The following PAN3 variants were observed in gnomAD, a reference collection of about 807,000 sequenced individuals.
PAN3 encodes the protein PAN2-PAN3 deadenylation complex subunit PAN3.
In PAN3, 19 loss-of-function variants were observed where a neutral mutation model predicts 96.2. The observed-to-expected ratio is 0.20, with a 90% CI of 0.14 to 0.29. PAN3 has a LOEUF of 0.29. PAN3 is among the 10% of genes least tolerant of loss of function. PAN3 has a pLI of 1.00. For synonymous variants in PAN3, 433 were observed against 406.6 expected (o/e 1.06, Z -0.78); for missense variants, 882 against 1,108.1 (o/e 0.80, Z 2.90).
chr13:28,153,809 C>T (rs1871721456), intron 1 of PAN3, among the ~76,000 whole-genome samples: 1 of 152,126 alleles, frequency 6.6e-6, no homozygotes, highest in African/African-American at 2.4e-5. Flanking sequence ...GCTAGTTTCT[C>T]CAAAATTCAG....
intron 5 of PAN3, among the ~76,000 whole-genome samples, chr13:28,204,053 C>T (rs1423742061): frequency 6.6e-6 from 1 of 152,072 alleles, no homozygotes; most frequent in Non-Finnish European, 1.5e-5. Context: ...TCGTGATCTG[C>T]CCACCTTGGC....
At chr13:28,261,279 G>T in intron 8 of PAN3, 122 bp from the exon 9 acceptor site, 3 of 548,910 alleles carry the variant, frequency 5.5e-6, no homozygotes, top group Non-Finnish European at 6.2e-6. Flanking sequence ...ATATTTAAAT[G>T]ATTTTAATAT....
chr13:28,215,913 C>G lies in PAN3; in HGVS notation c.853-4318C>G, dbSNP rs979676912. On this transcript the variant is annotated intron_variant, in intron 5 of 18. Coordinates refer to ENST00000380958, the MANE Select transcript of PAN3 (RefSeq NM_175854.8). Reference sequence around the variant, plus strand: ...GGCTAAATGAATATTATCCCTAATACCTGCCACTCTAGTCTTAATCAGTGG... The same window carrying G: ...GGCTAAATGAATATTATCCCTAATAGCTGCCACTCTAGTCTTAATCAGTGG... 19 of 1,208,908 alleles carry G rather than the reference C, an allele frequency of 1.6e-5. No individual in the cohort carries two copies. The African/African-American group carries it at 2.7e-4, about 17-fold the overall frequency. The allele number at this position is 1,208,908 out of a possible 1,614,324, so 74.9% of individuals were successfully genotyped here.
intron 12 of PAN3, among the ~76,000 whole-genome samples, chr13:28,269,657 G>A (rs1356793418): frequency 6.6e-6 from 1 of 151,988 alleles, no homozygotes; most frequent in African/African-American, 2.4e-5. Flanking sequence ...TAATTAAATA[G>A]TTTCATTTAA....
At chr13:28,199,223 T>TA (rs1197692478) in intron 5 of PAN3, among the ~76,000 whole-genome samples, 1 of 152,160 alleles carries the variant, frequency 6.6e-6, no homozygotes, top group Non-Finnish European at 1.5e-5. Flanking sequence ...AAATTGGAAT[T>TA]ACTTGTAGGT....
At chr13:28,181,400 C>G (rs116318012) in intron 4 of PAN3, among the ~76,000 whole-genome samples, 1,549 of 150,436 alleles carry the variant, frequency 0.01, 24 homozygotes, top group African/African-American at 0.036. Flanking sequence ...GTCACAGCTA[C>G]TCGGGAGGAT....
At chr13:28,239,613 G>C (rs1470938229) in intron 6 of PAN3, 1 of 1,289,666 alleles carries the variant, frequency 7.8e-7, no homozygotes, top group Admixed American at 2.3e-5. Flanking sequence ...CACTGGACTT[G>C]AAGATAAATC....
At chr13:28,194,664 T>C (rs900848926) in intron 4 of PAN3, among the ~76,000 whole-genome samples, 1 of 151,734 alleles carries the variant, frequency 6.6e-6, no homozygotes. Context: ...GAGATGGTGT[T>C]TCACCTTGTT....
At chr13:28,257,720 A>ATATT (rs1566234978) in intron 7 of PAN3, among the ~76,000 whole-genome samples, 3 of 139,122 alleles carry the variant, frequency 2.2e-5, no homozygotes, top group Admixed American at 7.6e-5. Context: ...ATATATAATT[A>ATATT]ATATATATTA....
chr13:28,198,633 A>G (rs1489089971), intron 5 of PAN3, among the ~76,000 whole-genome samples: 1 of 152,210 alleles, frequency 6.6e-6, no homozygotes, highest in Non-Finnish European at 1.5e-5. Context: ...CCATTTTTAA[A>G]AAATTGATAA....
chr13:28,273,556 G>A (rs1371705398), intron 14 of PAN3, among the ~76,000 whole-genome samples: 3 of 151,622 alleles, frequency 2.0e-5, no homozygotes, highest in Non-Finnish European at 4.4e-5. Flanking sequence ...AGCTGAGATC[G>A]CACCACTGCA....
chr13:28,289,603 T>C (rs1006608913), intron 18 of PAN3, among the ~76,000 whole-genome samples: 3 of 152,106 alleles, frequency 2.0e-5, no homozygotes, highest in African/African-American at 7.2e-5. Context: ...GGGAAAAGGC[T>C]AGGCGCAGTA....
intron 1 of PAN3, among the ~76,000 whole-genome samples, chr13:28,157,367 A>G (rs200138888): frequency 1.3e-5 from 2 of 152,218 alleles, no homozygotes; most frequent in Non-Finnish European, 2.9e-5. Context: ...AGCCAGAGCA[A>G]TCAGGCAAGA....
At chr13:28,258,421 G>C (rs557372739) in intron 7 of PAN3, among the ~76,000 whole-genome samples, 1 of 152,160 alleles carries the variant, frequency 6.6e-6, no homozygotes, top group Non-Finnish European at 1.5e-5. Context: ...GAGAACAAAG[G>C]GTGGTGGGAT....
chr13:28,150,886 A>G (rs1001423141), intron 1 of PAN3, among the ~76,000 whole-genome samples: 1 of 152,198 alleles, frequency 6.6e-6, no homozygotes, highest in African/African-American at 2.4e-5. Context: ...TTAATGGGTA[A>G]AGCAGACAGT....
chr13:28,150,593 C>T (rs890169677), intron 1 of PAN3, among the ~76,000 whole-genome samples: 7 of 149,640 alleles, frequency 4.7e-5, no homozygotes, highest in African/African-American at 1.2e-4. Context: ...GCCGAGATCA[C>T]GCCACTGCCC....
chr13:28,251,902 T>C (rs571689260), intron 6 of PAN3, among the ~76,000 whole-genome samples: 109 of 151,654 alleles, frequency 7.2e-4, no homozygotes, highest in African/African-American at 2.5e-3. Context: ...GTTTGTTTGG[T>C]TTTGAGACAG....
At chr13:28,162,030 T>C (rs9582006) in intron 1 of PAN3, among the ~76,000 whole-genome samples, 14,306 of 152,218 alleles carry the variant, frequency 0.094, 841 homozygotes, top group African/African-American at 0.17. Flanking sequence ...ATATTAGTGT[T>C]TCATCAGAAA....
At chr13:28,286,755 G>C (rs1869020448) in intron 17 of PAN3, among the ~76,000 whole-genome samples, 1 of 152,122 alleles carries the variant, frequency 6.6e-6, no homozygotes, top group Non-Finnish European at 1.5e-5. Context: ...TGTTGAAAGG[G>C]AGCAGAGATA....
Sources: gnomAD v4.1 joint callset for allele counts (sites outside exome capture counted in the v4.1 genomes callset) on GRCh38, gnomAD v4.1.1 for gene constraint, MANE v1.5 for transcripts, NCBI Gene and HGNC (gene_info 2026-07-23, HGNC 2026-07-21) for gene names.